Variants in SLC35A5 observed in about 807,000 individuals in gnomAD.
The protein encoded by SLC35A5 is solute carrier family 35 member A5, also known as UDP-sugar transporter protein SLC35A5.
SLC35A5 carries 28 observed loss-of-function variants against 36.3 expected under a neutral mutation model. The ratio of observed to expected loss-of-function variants is 0.77; its 90% CI spans 0.57 to 1.06. The LOEUF is 1.06. Among genes scored for constraint, SLC35A5 ranks in the 50% least tolerant of loss-of-function variants. SLC35A5 has a pLI of 0.00. For synonymous variants in SLC35A5, 180 were observed against 173.7 expected, an observed-to-expected ratio of 1.04 and a Z score of -0.29; for missense variants, 521 against 499.3, an observed-to-expected ratio of 1.04 and a Z score of -0.41.
intron 1 of SLC35A5, among the ~76,000 whole-genome samples, chr3:112,563,166 A>C (rs1464378662): frequency 6.6e-6 from 1 of 152,244 alleles, no homozygotes; most frequent in Non-Finnish European, 1.5e-5. Flanking sequence ...CTTTGTCAGC[A>C]GGTCTAATCT....
At chr3:112,580,524 C>A (rs373475079) in intron 5 of SLC35A5, 22 bp from the exon 6 acceptor site, 4 of 1,565,176 alleles carry the variant, frequency 2.6e-6, no homozygotes, top group Non-Finnish European at 3.4e-6. Flanking sequence ...GTAGTAAAAT[C>A]TTTTTTTTCA....
Position 112,570,163 on chromosome 3 carries a change from CT to C in SLC35A5, c.230-374del, listed in dbSNP as rs1389499438. ...ATATAAATTTCGATTTAGTATCCCC[CT>C]TTCCTGATTTGCCCTGGGGGGCAAA... On this transcript the variant is annotated intron_variant, in intron 3 of 6. Transcript: ENST00000492406. Among the ~76,000 whole-genome samples, 5 of 151,482 alleles carry C rather than the reference CT, an allele frequency of 3.3e-5. No individual in the cohort carries two copies. The East Asian group carries it at 7.7e-4, about 23-fold the overall frequency.
At chr3:112,561,407 A>G (rs747983850), upstream of SLC35A5, 5 of 1,587,932 alleles carry the variant, frequency 3.1e-6, no homozygotes, top group South Asian at 1.1e-5. Context: ...CTGGTCCCTG[A>G]AAAGTCGAGC....
intron 2 of SLC35A5, among the ~76,000 whole-genome samples, chr3:112,565,861 G>A (rs548429575): frequency 1.3e-5 from 2 of 152,310 alleles, no homozygotes; most frequent in South Asian, 2.1e-4. Context: ...GATTTTTAAG[G>A]ACTTCATATT....
rs748436117 is a variant in SLC35A5 at position 112,580,669 on chromosome 3, C to CG, written c.552_553insG (p.Phe185ValfsTer14). ...CAGGACGTGGATTTCATCACGATGC[C>CG]TTTTTCAGCCCTTCCAATTCCTGCC... On this transcript the variant is annotated frameshift_variant, in exon 6 of 7. Coordinates refer to ENST00000492406, the MANE Select transcript of SLC35A5 (RefSeq NM_017945.5). LOFTEE classifies it high-confidence loss of function. The CG allele has an allele frequency of 6.2e-6, 10 of 1,614,088 alleles. No individual in the cohort carries two copies. The highest frequency in any genetic ancestry group is 8.5e-6 in the Non-Finnish European group (10 of 1,179,964).
intron 3 of SLC35A5, chr3:112,570,322 G>T (rs1341875619): frequency 2.8e-6 from 1 of 359,352 alleles, no homozygotes; most frequent in African/African-American, 2.1e-5. Flanking sequence ...TAATACTTCT[G>T]TTATCTCAAA....
chr3:112,563,909 A>G (rs1934069108), intron 2 of SLC35A5, among the ~76,000 whole-genome samples: 1 of 152,224 alleles, frequency 6.6e-6, no homozygotes, highest in Non-Finnish European at 1.5e-5. Flanking sequence ...TATTGTAATT[A>G]TTGTATCAAT....
chr3:112,561,924 T>G (rs879478260), upstream of SLC35A5: 35 of 223,610 alleles, frequency 1.6e-4, 1 homozygote, highest in South Asian at 1.8e-3. Flanking sequence ...CTCACTCTCT[T>G]GCCGTAGCTG....
upstream of SLC35A5, chr3:112,561,470 G>A (rs1477505945): frequency 1.9e-6 from 3 of 1,613,052 alleles, no homozygotes; most frequent in Non-Finnish European, 2.5e-6. Context: ...GAGGACCGGG[G>A]TCAGGTACTC....
intron 5 of SLC35A5, among the ~76,000 whole-genome samples, chr3:112,576,452 T>G (rs1934683400): frequency 6.6e-6 from 1 of 152,218 alleles, no homozygotes; most frequent in Non-Finnish European, 1.5e-5. Flanking sequence ...AGCATACAGT[T>G]TAGTAGTGTT....
chr3:112,562,437 G>T (rs551813286), intron 1 of SLC35A5, among the ~76,000 whole-genome samples, 164 bp downstream of exon 1: 1 of 152,272 alleles, frequency 6.6e-6, no homozygotes, highest in South Asian at 2.1e-4. Flanking sequence ...GCGCCCAATG[G>T]GGCTGTCAGT....
chr3:112,569,244 TG>T lies in SLC35A5; in HGVS notation c.205del (p.Val69CysfsTer6). On this transcript the variant is annotated frameshift_variant, in exon 3 of 7. Transcript: ENST00000492406. LOFTEE classifies it high-confidence loss of function. Reference sequence around the variant, plus strand: ...TGGTGAAGCTAGTTTTCTGTGTGCTTGTGTCATTCTGTGTTATAAAGAAAGG... The same window carrying T: ...TGGTGAAGCTAGTTTTCTGTGTGCTTTGTCATTCTGTGTTATAAAGAAAGG... ...ELVKLVFCVLVSFCVIKKDHQ... is the reference protein window; with the variant it reads ...ELVKLVFCVLXSFCVIKKDHQ... 6.2e-7 allele frequency: 1 copy of T among 1,613,924 alleles called. No individual in the cohort carries two copies. Among genetic ancestry groups the T allele is most frequent in the Non-Finnish European group, 8.5e-7 (1 of 1,179,856 alleles).
At chr3:112,578,328 T>G (rs1047695851) in intron 5 of SLC35A5, among the ~76,000 whole-genome samples, 2 of 152,244 alleles carry the variant, frequency 1.3e-5, no homozygotes, top group African/African-American at 4.8e-5. Flanking sequence ...GTAATCTTTA[T>G]GTAGTGACAA....
rs548468014 is a variant in SLC35A5, at chr3:112,575,827, T to C, written c.428+1871T>C. On this transcript the variant is annotated intron_variant, in intron 5 of 6. Coordinates refer to ENST00000492406, the MANE Select transcript of SLC35A5 (RefSeq NM_017945.5). The stretch of plus-strand genomic sequence containing the variant: ...CAGGCTGGAGTGCAGTGGCACCGTC[T>C]TGGCTCATTGCAACCTCCTCTTCCC... Among the ~76,000 whole-genome samples the C allele has an allele frequency of 5.5e-4, 83 of 151,238 alleles. 1 individual carries two copies. Among genetic ancestry groups the C allele is most frequent in the African/African-American group, 1.9e-3 (78 of 41,224 alleles).
Position 112,581,194 on chromosome 3 carries a change from T to G in SLC35A5, c.1077T>G (p.Phe359Leu), listed in dbSNP as rs757511613. The G allele has an allele frequency of 1.9e-6, 3 of 1,613,992 alleles. No homozygotes were observed. Among genetic ancestry groups the G allele is most frequent in the Non-Finnish European group, 2.5e-6 (3 of 1,179,928 alleles). ...TTGACTTCAGGCCCTCCCTGGAATTTTTCTTGGAAGCCCCATCAGTCCTTC... is the reference window on the plus strand; with the variant it reads ...TTGACTTCAGGCCCTCCCTGGAATTGTTCTTGGAAGCCCCATCAGTCCTTC... Reference protein sequence around the residue: ...LVFDFRPSLEFFLEAPSVLLS... With the variant: ...LVFDFRPSLELFLEAPSVLLS... Residue 359 changes from phenylalanine (F) to leucine (L), a missense_variant, in exon 6 of 7, where the codon TTT becomes TTG. By Grantham distance (22) the Phe-to-Leu change is conservative. Coordinates refer to ENST00000492406, the MANE Select transcript of SLC35A5 (RefSeq NM_017945.5).
chr3:112,564,676 C>T (rs1255427438), intron 2 of SLC35A5, among the ~76,000 whole-genome samples: 1 of 152,160 alleles, frequency 6.6e-6, no homozygotes, highest in Admixed American at 6.5e-5. Flanking sequence ...CCCACGAGGC[C>T]ATATTTCAGA....
In SLC35A5 at chr3:112,578,733, GATTTCTTTCTTTTTTCTTAATAT is replaced by G. The variant is rs1329910614; in HGVS notation, c.429-1812_429-1790del. 3.3e-5 allele frequency among the ~76,000 whole-genome samples: 5 copies of G among 152,076 alleles called. No individual in the cohort carries two copies. The East Asian group carries it at 9.6e-4, about 29-fold the overall frequency. On this transcript the variant is annotated intron_variant, in intron 5 of 6. Coordinates refer to ENST00000492406, the MANE Select transcript of SLC35A5 (RefSeq NM_017945.5). Reference sequence around the variant, plus strand: ...TACAGAAGGTGTTGTTTAGCTTAAGGATTTCTTTCTTTTTTCTTAATATTAGTGAAAAATGTATAGCTCTAGAA... The same window carrying G: ...TACAGAAGGTGTTGTTTAGCTTAAGGTAGTGAAAAATGTATAGCTCTAGAA...
At chr3:112,564,479 C>G (rs558740195) in intron 2 of SLC35A5, 29 of 152,396 alleles carry the variant, frequency 1.9e-4, no homozygotes, top group African/African-American at 6.7e-4. Context: ...CGGTTTTCCC[C>G]TATCTCAGTA....
intron 1 of SLC35A5, 147 bp from the exon 2 acceptor site, chr3:112,563,238 A>G (rs1377863064): frequency 4.0e-6 from 2 of 495,820 alleles, no homozygotes; most frequent in Non-Finnish European, 6.6e-6. Context: ...TCCTTTTGTC[A>G]TAGTTTCTTT....
Sources: gnomAD v4.1 joint callset for allele counts (sites outside exome capture counted in the v4.1 genomes callset) on GRCh38, gnomAD v4.1.1 for gene constraint, MANE v1.5 for transcripts, NCBI Gene and HGNC (gene_info 2026-07-23, HGNC 2026-07-21) for gene names.